Variants in COL23A1 observed in about 807,000 individuals in gnomAD.
COL23A1 encodes the protein collagen alpha-1(XXIII) chain.
A neutral mutation model predicts 99.3 loss-of-function variants in COL23A1; 97 were observed. The observed-to-expected ratio is 0.98, with a 90% CI of 0.83 to 1.16. The LOEUF is 1.16. COL23A1 is among the 50% of genes most tolerant of loss of function. The pLI, the probability that COL23A1 is intolerant of heterozygous loss-of-function variation, is 0.00. For missense variants in COL23A1, 762 were observed against 757.4 expected (o/e 1.01, Z -0.07); for synonymous variants, 320 against 308.2 (o/e 1.04, Z -0.40).
intron 11 of COL23A1, among the ~76,000 whole-genome samples, chr5:178,260,948 C>A (rs1299386906): frequency 6.6e-6 from 1 of 152,094 alleles, no homozygotes; most frequent in Non-Finnish European, 1.5e-5. Context: ...CCAGAGTGTA[C>A]CACAGCAAGA....
chr5:178,384,146 C>T lies in COL23A1; in HGVS notation c.362-77227G>A, dbSNP rs1325622186. On this transcript the variant is annotated intron_variant, in intron 2 of 28. Coordinates refer to ENST00000390654, the MANE Select transcript of COL23A1 (RefSeq NM_173465.4). This position sits in a 1 kb window ranked among gnomAD's most constrained non-coding sequence, Gnocchi z 5.5. ...GTGATGGTAAAATAAGGCTGGCCAT[C>T]GAGAAGACCGAGAGGCAGGGTCAGG... is the stretch of plus-strand genomic sequence containing the variant. 6.6e-6 allele frequency among the ~76,000 whole-genome samples: 1 copy of T among 152,152 alleles called. No homozygotes were observed. The highest frequency in any genetic ancestry group is 2.4e-5 in the African/African-American group (1 of 41,438).
At chr5:178,327,475 A>G (rs536978951) in intron 2 of COL23A1, among the ~76,000 whole-genome samples, 213 of 151,800 alleles carry the variant, frequency 1.4e-3, no homozygotes, top group Non-Finnish European at 1.9e-3. Flanking sequence ...CTTCATGGCC[A>G]CTCCAGGGCC....
intron 2 of COL23A1, 84 bp downstream of exon 2, chr5:178,560,598 C>G (rs1762506645): frequency 1.6e-6 from 2 of 1,284,088 alleles, no homozygotes; most frequent in Admixed American, 4.6e-5. Flanking sequence ...CCCCAGTCCA[C>G]CTTCCGGACC....
At chr5:178,375,855 C>T (rs1763043321) in intron 2 of COL23A1, among the ~76,000 whole-genome samples, 1 of 152,180 alleles carries the variant, frequency 6.6e-6, no homozygotes, top group Non-Finnish European at 1.5e-5. Flanking sequence ...TTATAGGCGC[C>T]TGCCACCATG....
intron 2 of COL23A1, among the ~76,000 whole-genome samples, chr5:178,495,944 A>G (rs1187277751): frequency 6.6e-6 from 1 of 152,182 alleles, no homozygotes; most frequent in Admixed American, 6.5e-5. Context: ...CAGAGAGGGA[A>G]GTAACTTTGC....
At chr5:178,556,790 T>TA (rs1363597057) in intron 2 of COL23A1, among the ~76,000 whole-genome samples, 9 of 150,616 alleles carry the variant, frequency 6.0e-5, no homozygotes, top group African/African-American at 2.2e-4. Flanking sequence ...CCGTCTCTAC[T>TA]AAAAAAACAA....
chr5:178,559,454 G>A (rs1299154050), intron 2 of COL23A1, among the ~76,000 whole-genome samples: 1 of 151,138 alleles, frequency 6.6e-6, no homozygotes, highest in African/African-American at 2.4e-5. Context: ...ACCTTTCCCT[G>A]CACGTCGAGA....
chr5:178,469,701 C>T (rs1756635979), intron 2 of COL23A1, among the ~76,000 whole-genome samples: 2 of 152,088 alleles, frequency 1.3e-5, no homozygotes, highest in Admixed American at 1.3e-4. Context: ...TCAGAGAGCC[C>T]CCGTCCTGTC....
At chr5:178,345,543 G>C (rs1289981831) in intron 2 of COL23A1, among the ~76,000 whole-genome samples, 1 of 150,062 alleles carries the variant, frequency 6.7e-6, no homozygotes, top group Non-Finnish European at 1.5e-5. Context: ...TTGAGACAGA[G>C]TTTCGCTCTG....
intron 2 of COL23A1, among the ~76,000 whole-genome samples, chr5:178,433,709 A>G (rs1766392037): frequency 1.3e-5 from 2 of 152,320 alleles, no homozygotes; most frequent in East Asian, 3.9e-4. Flanking sequence ...AACCAGGGAT[A>G]AATACCAAAT....
At chr5:178,389,830 G>C (rs1763869067) in intron 2 of COL23A1, among the ~76,000 whole-genome samples, 1 of 152,196 alleles carries the variant, frequency 6.6e-6, no homozygotes, top group Non-Finnish European at 1.5e-5. Context: ...TGCGTGACGG[G>C]TGGGCACATG....
chr5:178,481,131 C>CAAAAAAAAAAAAAA (rs10625763), intron 2 of COL23A1, among the ~76,000 whole-genome samples: 4 of 102,280 alleles, frequency 3.9e-5, no homozygotes, highest in East Asian at 2.7e-4. Flanking sequence ...GACTGTCTCT[C>CAAAAAAAAAAAAAA]AAAAAAAAAA....
chr5:178,298,005 G>A (rs998004986), intron 3 of COL23A1, among the ~76,000 whole-genome samples: 9 of 152,168 alleles, frequency 5.9e-5, no homozygotes, highest in Non-Finnish European at 1.0e-4. Flanking sequence ...CTTAGAAAGC[G>A]AGCTGGCTGC....
At chr5:178,485,606 C>G (rs145388355) in intron 2 of COL23A1, among the ~76,000 whole-genome samples, 2 of 152,002 alleles carry the variant, frequency 1.3e-5, no homozygotes, top group Non-Finnish European at 2.9e-5. Flanking sequence ...AACCCTGTCT[C>G]TACTAAAAAT....
intron 2 of COL23A1, among the ~76,000 whole-genome samples, chr5:178,370,523 T>C (rs975052850): frequency 2.0e-5 from 3 of 151,882 alleles, no homozygotes; most frequent in Non-Finnish European, 2.9e-5. Context: ...TTGGGGGACA[T>C]TGGCCAACGG....
intron 2 of COL23A1, among the ~76,000 whole-genome samples, chr5:178,385,976 C>T (rs1025747025): frequency 1.3e-5 from 2 of 152,156 alleles, no homozygotes; most frequent in Admixed American, 1.3e-4. Flanking sequence ...TGTGTCCTAA[C>T]CATCTAGTAC....
At chr5:178,545,381 T>C (rs1761526463) in intron 2 of COL23A1, among the ~76,000 whole-genome samples, 1 of 152,120 alleles carries the variant, frequency 6.6e-6, no homozygotes, top group African/African-American at 2.4e-5. Context: ...TCAAGCCCAT[T>C]AGTGTCATGA....
At position 178,378,777 on chromosome 5, in the gene COL23A1, A is replaced by G. The variant is rs538829388; in HGVS notation, c.362-71858T>C. On this transcript the variant is annotated intron_variant, in intron 2 of 28. Transcript: ENST00000390654. Reference sequence around the variant, plus strand: ...ACCCTCATCACCAAGGCTCAAGGACAGGGTGAATGGAGACCGCTGGCAGGT... The same window carrying G: ...ACCCTCATCACCAAGGCTCAAGGACGGGGTGAATGGAGACCGCTGGCAGGT... 9.2e-5 allele frequency among the ~76,000 whole-genome samples: 14 copies of G among 152,292 alleles called. No homozygotes were observed. In the South Asian group the frequency reaches 1.2e-3, roughly 14 times the overall value.
chr5:178,314,064 A>T (rs896513320), intron 2 of COL23A1, among the ~76,000 whole-genome samples: 1 of 151,944 alleles, frequency 6.6e-6, no homozygotes, highest in Non-Finnish European at 1.5e-5. Context: ...GGGTGTCTCT[A>T]AGGTGGGCCT....
Sources: allele counts gnomAD v4.1 joint callset (sites outside exome capture counted in the v4.1 genomes callset), GRCh38; gene constraint gnomAD v4.1.1; non-coding constraint Gnocchi (gnomAD v3.1); transcripts MANE v1.5; gene names NCBI Gene and HGNC (gene_info 2026-07-23, HGNC 2026-07-21).